Variants in GRM1 observed in about 807,000 individuals in gnomAD.
GRM1 encodes metabotropic glutamate receptor 1.
GRM1 carries 33 observed loss-of-function variants against 90.9 expected under a neutral mutation model. That is an observed-to-expected ratio of 0.36 (90% CI 0.28 to 0.49). The LOEUF (loss-of-function observed/expected upper bound fraction) is 0.49, where lower values mean the gene tolerates loss of function less well. Ranked by LOEUF, GRM1 falls within the 20% of genes least tolerant of loss-of-function variation. The pLI is 0.99. For missense variants in GRM1, 1,190 were observed against 1,534.3 expected (o/e 0.78, Z 3.75); for synonymous variants, 700 against 613.2 (o/e 1.14, Z -2.09).
At chr6:146,057,134 A>G (rs185790269) in intron 1 of GRM1, among the ~76,000 whole-genome samples, 7 of 152,290 alleles carry the variant, frequency 4.6e-5, no homozygotes, top group Non-Finnish European at 8.8e-5. Flanking sequence ...CCTAAGTCAT[A>G]AGGGAAGATA....
intron 4 of GRM1, among the ~76,000 whole-genome samples, chr6:146,355,378 G>T (rs1453208171): frequency 6.6e-6 from 1 of 152,160 alleles, no homozygotes. Context: ...GCAACTGGGG[G>T]CTAATAACTC....
intron 7 of GRM1, among the ~76,000 whole-genome samples, chr6:146,424,652 C>T (rs1778131910): frequency 6.6e-6 from 1 of 152,250 alleles, no homozygotes. Flanking sequence ...GTTTGTCTGT[C>T]TGTCTGTTCT....
intron 2 of GRM1, among the ~76,000 whole-genome samples, chr6:146,273,931 G>GAATTC (rs767003040): frequency 4.0e-4 from 61 of 152,306 alleles, no homozygotes; most frequent in Non-Finnish European, 7.6e-4. Context: ...CCTGGTAATG[G>GAATTC]AATTCAACCT....
At position 146,403,265 on chromosome 6, in the gene GRM1, C is replaced by T. The variant is rs1158779699; in HGVS notation, c.2660+3566C>T. Among the ~76,000 whole-genome samples the T allele has an allele frequency of 5.9e-5, 9 of 151,992 alleles. 1 individual carries two copies. The highest frequency in any genetic ancestry group is 1.3e-4 in the Non-Finnish European group (9 of 67,986). ...TAAAAAGTAATTACATCAGTGATTA[C>T]ATGTCAATCTAACATCTCTAGTTAA... On this transcript the variant is annotated intron_variant, in intron 7 of 7. Coordinates refer to ENST00000282753, the MANE Select transcript of GRM1 (RefSeq NM_001278064.2).
rs572870328 is a variant in GRM1, at chr6:146,372,314, A to T, written c.1603-14576A>T. On this transcript the variant is annotated intron_variant, in intron 5 of 7. Coordinates refer to ENST00000282753, the MANE Select transcript of GRM1 (RefSeq NM_001278064.2). ...GTCCGTAGTTTGATTGGATTATCAG[A>T]TTTTTTTCCTATAGAGTTATTTGAG... Among the ~76,000 whole-genome samples the T allele has an allele frequency of 9.2e-5, 14 of 151,942 alleles. 1 individual carries two copies. The South Asian group carries it at 2.9e-3, about 32-fold the overall frequency.
intron 2 of GRM1, among the ~76,000 whole-genome samples, chr6:146,292,889 G>T (rs1783039032): frequency 6.6e-6 from 1 of 151,870 alleles, no homozygotes; most frequent in South Asian, 2.1e-4. Flanking sequence ...CAGACCAATG[G>T]ATAAACAAAT....
At chr6:146,207,053 T>A (rs187112765) in intron 2 of GRM1, among the ~76,000 whole-genome samples, 2 of 152,336 alleles carry the variant, frequency 1.3e-5, no homozygotes, top group South Asian at 2.1e-4. Flanking sequence ...TAATCTGTCA[T>A]TGATGGGCAT....
intron 3 of GRM1, among the ~76,000 whole-genome samples, chr6:146,325,004 A>G (rs565200483): frequency 1.3e-5 from 2 of 152,334 alleles, no homozygotes; most frequent in South Asian, 2.1e-4. Flanking sequence ...GACTCCAGTA[A>G]ATTAATTATA....
At chr6:146,132,537 G>A (rs982269603) in intron 1 of GRM1, among the ~76,000 whole-genome samples, 7 of 152,148 alleles carry the variant, frequency 4.6e-5, no homozygotes, top group Non-Finnish European at 8.8e-5. Flanking sequence ...GGGTGTGGGT[G>A]TATTTGGAAT....
At chr6:146,063,273 G>A (rs925631882) in intron 1 of GRM1, among the ~76,000 whole-genome samples, 4 of 152,164 alleles carry the variant, frequency 2.6e-5, no homozygotes, top group Non-Finnish European at 4.4e-5. Context: ...AAGTTAACGG[G>A]AAAATTTTTT....
chr6:146,394,481 C>T (rs938797036), intron 6 of GRM1, among the ~76,000 whole-genome samples: 29 of 152,088 alleles, frequency 1.9e-4, no homozygotes, highest in African/African-American at 7.0e-4. Flanking sequence ...TGGTTATTAG[C>T]ATGCTCCAAG....
chr6:146,269,794 G>C (rs1485375114), intron 2 of GRM1, among the ~76,000 whole-genome samples: 3 of 150,494 alleles, frequency 2.0e-5, no homozygotes, highest in Non-Finnish European at 4.4e-5. Context: ...TGGAAAAATT[G>C]TCTTCCATGA....
rs142264383 is a variant in GRM1 at position 146,352,401 on chromosome 6, C to T, written c.1338C>T (p.Asp446=). ...VGLCDAMKPI[D]GSKLLDFLIK... is the part of the protein sequence containing the mutation. ...TCTGCGATGCCATGAAGCCCATCGA[C>T]GGCAGCAAGCTGCTGGACTTCCTCA... Residue 446 remains aspartate, a synonymous_variant, in exon 4 of 8, where the codon GAC becomes GAT. Transcript: ENST00000282753. The T allele has an allele frequency of 2.7e-4, 431 of 1,614,068 alleles. 1 individual carries two copies. Among genetic ancestry groups the T allele is most frequent in the Middle Eastern group, 4.9e-4 (3 of 6,062 alleles).
intron 1 of GRM1, among the ~76,000 whole-genome samples, chr6:146,144,529 A>G (rs541179916): frequency 5.3e-5 from 8 of 152,316 alleles, no homozygotes; most frequent in African/African-American, 1.9e-4. Flanking sequence ...CTCAACCTTG[A>G]ACTTCTCAGT....
chr6:146,222,190 T>C (rs926681983), intron 2 of GRM1, among the ~76,000 whole-genome samples: 1 of 152,192 alleles, frequency 6.6e-6, no homozygotes, highest in African/African-American at 2.4e-5. Context: ...TAAAGACTCT[T>C]AAGATGATGC....
chr6:146,185,380 A>G (rs1181658246), intron 2 of GRM1, among the ~76,000 whole-genome samples: 1 of 152,178 alleles, frequency 6.6e-6, no homozygotes, highest in Admixed American at 6.5e-5. Flanking sequence ...AAAGCTGCCT[A>G]CCTTGAGGTT....
chr6:146,075,034 A>G (rs1776138099), intron 1 of GRM1, among the ~76,000 whole-genome samples: 1 of 152,186 alleles, frequency 6.6e-6, no homozygotes, highest in East Asian at 1.9e-4. Context: ...AATTTTCCAG[A>G]GTTCATATGC....
intron 7 of GRM1, among the ~76,000 whole-genome samples, chr6:146,424,185 T>C (rs1372951455): frequency 1.3e-5 from 2 of 152,188 alleles, no homozygotes; most frequent in African/African-American, 4.8e-5. Context: ...GGTATCTGGA[T>C]AAAGGATGTG....
At position 146,155,588 on chromosome 6, in the gene GRM1, T is replaced by A. The variant is rs530544218; in HGVS notation, c.701-3760T>A. ...TTAGAGGTTGCTTTAAGCTAACTGA[T>A]CAGGAAAGGCTTTTCAAAGGAGGTG... is the stretch of plus-strand genomic sequence containing the variant. On this transcript the variant is annotated intron_variant, in intron 1 of 7. Transcript: ENST00000282753. Among the ~76,000 whole-genome samples, 3 of 152,314 alleles carry A rather than the reference T, an allele frequency of 2.0e-5. No individual in the cohort carries two copies. In the South Asian group the frequency reaches 6.2e-4, roughly 32 times the overall value.
Sources: allele counts gnomAD v4.1 joint callset (sites outside exome capture counted in the v4.1 genomes callset), GRCh38; gene constraint gnomAD v4.1.1; transcripts MANE v1.5; gene names NCBI Gene and HGNC (gene_info 2026-07-23, HGNC 2026-07-21).